The following RFX3 variants were observed in gnomAD, a reference collection of about 807,000 sequenced individuals.
The protein encoded by RFX3 is transcription factor RFX3.
A neutral mutation model predicts 98.6 loss-of-function variants in RFX3; 14 were observed. The observed-to-expected ratio is 0.14, with a 90% CI of 0.09 to 0.22. The LOEUF is 0.22. RFX3 is among the 10% of genes least tolerant of loss of function. The pLI, the probability that RFX3 is intolerant of heterozygous loss-of-function variation, is 1.00. For missense variants in RFX3, 639 were observed against 926.9 expected, an observed-to-expected ratio of 0.69 and a Z score of 4.03; for synonymous variants, 383 against 328.4, an observed-to-expected ratio of 1.17 and a Z score of -1.80.
chr9:3,415,084 TTATA>T (rs572480936), intron 1 of RFX3, among the ~76,000 whole-genome samples: 1 of 91,544 alleles, frequency 1.1e-5, no homozygotes, highest in Non-Finnish European at 1.9e-5. Flanking sequence ...ATATATATTC[TTATA>T]TATATACTCA....
intron 1 of RFX3, among the ~76,000 whole-genome samples, chr9:3,523,980 T>C (rs1455791336): frequency 6.6e-6 from 1 of 152,182 alleles, no homozygotes; most frequent in East Asian, 1.9e-4. Flanking sequence ...CTTAATAGCA[T>C]TATAATTACC....
intron 1 of RFX3, among the ~76,000 whole-genome samples, chr9:3,477,367 T>G (rs1012796477): frequency 1.3e-5 from 2 of 152,226 alleles, no homozygotes; most frequent in Non-Finnish European, 2.9e-5. Flanking sequence ...CTTTAACATT[T>G]CTTAGAGTTC....
chr9:3,334,710 T>C (rs1376839631), intron 3 of RFX3, among the ~76,000 whole-genome samples: 2 of 152,144 alleles, frequency 1.3e-5, no homozygotes, highest in Non-Finnish European at 2.9e-5. Flanking sequence ...CACAGAATTA[T>C]ATTAAGGAAT....
intron 1 of RFX3, among the ~76,000 whole-genome samples, chr9:3,437,486 G>A (rs1845239544): frequency 6.6e-6 from 1 of 152,056 alleles, no homozygotes; most frequent in Non-Finnish European, 1.5e-5. Context: ...AACTAGAGGT[G>A]CTTTAACAAA....
chr9:3,396,276 T>C (rs904004994), intron 1 of RFX3, among the ~76,000 whole-genome samples: 1 of 151,786 alleles, frequency 6.6e-6, no homozygotes, highest in Non-Finnish European at 1.5e-5. Flanking sequence ...CACCTATGAG[T>C]GAGAACATGC....
At chr9:3,327,493 C>T (rs1832051454) in intron 4 of RFX3, among the ~76,000 whole-genome samples, 1 of 151,922 alleles carries the variant, frequency 6.6e-6, no homozygotes, top group African/African-American at 2.4e-5. Flanking sequence ...TAGACAAGTA[C>T]CGCACTATCA....
At chr9:3,265,227 T>G (rs1563825756) in intron 12 of RFX3, among the ~76,000 whole-genome samples, 1 of 152,212 alleles carries the variant, frequency 6.6e-6, no homozygotes, top group Non-Finnish European at 1.5e-5. Context: ...TCACTTAATT[T>G]AAAATTCTAA....
chr9:3,518,833 T>A (rs116975424), intron 1 of RFX3, among the ~76,000 whole-genome samples: 1 of 152,152 alleles, frequency 6.6e-6, no homozygotes, highest in Non-Finnish European at 1.5e-5. Flanking sequence ...AAGATTGGGA[T>A]TGACAAATCA....
At chr9:3,374,941 C>T (rs1838287335) in intron 2 of RFX3, among the ~76,000 whole-genome samples, 1 of 150,872 alleles carries the variant, frequency 6.6e-6, no homozygotes, top group Non-Finnish European at 1.5e-5. Flanking sequence ...GCATTAACAA[C>T]AGTTACGTAA....
chr9:3,285,560 G>T (rs1395950059), intron 7 of RFX3, among the ~76,000 whole-genome samples: 2 of 151,586 alleles, frequency 1.3e-5, no homozygotes, highest in Admixed American at 1.3e-4. Flanking sequence ...TTCCTTCAGA[G>T]AGACCACAGA....
intron 8 of RFX3, 47 bp from the exon 9 acceptor site, chr9:3,275,659 C>A: frequency 1.7e-6 from 2 of 1,153,486 alleles, no homozygotes; most frequent in Non-Finnish European, 2.6e-6. Context: ...TGGATGGTGC[C>A]AATTACAGAT....
In RFX3 at chr9:3,299,863, G is replaced by C. The variant is rs558883971; in HGVS notation, c.549+1683C>G. 4.1e-4 allele frequency among the ~76,000 whole-genome samples: 62 copies of C among 151,594 alleles called. No homozygotes were observed. The South Asian group carries it at 0.012, about 30-fold the overall frequency. On this transcript the variant is annotated intron_variant, in intron 5 of 16. Transcript: ENST00000617270. ...CCATTATTGTTCATAAAAATACTAAGATGAATAACTGAAGTTAAATTTAAA... is the reference window on the plus strand; with the variant it reads ...CCATTATTGTTCATAAAAATACTAACATGAATAACTGAAGTTAAATTTAAA...
At chr9:3,318,731 T>A (rs1453012673) in intron 4 of RFX3, among the ~76,000 whole-genome samples, 4 of 152,194 alleles carry the variant, frequency 2.6e-5, no homozygotes, top group Non-Finnish European at 5.9e-5. Context: ...TAAGTTATTA[T>A]GCTTTCAACC....
In RFX3 at chr9:3,272,817, T is replaced by G. The variant is rs183701730; in HGVS notation, c.1087-1699A>C. Reference sequence around the variant, plus strand: ...TAAAAAGTTACACTTGCTCCTTACATAACAAACTAGTGATACAAAAATATC... The same window carrying G: ...TAAAAAGTTACACTTGCTCCTTACAGAACAAACTAGTGATACAAAAATATC... On this transcript the variant is annotated intron_variant, in intron 9 of 16. Coordinates refer to ENST00000617270, the MANE Select transcript of RFX3 (RefSeq NM_001282116.2). Among the ~76,000 whole-genome samples, 12 of 152,282 alleles carry G rather than the reference T, an allele frequency of 7.9e-5. No individual in the cohort carries two copies. In the East Asian group the frequency reaches 2.3e-3, roughly 29 times the overall value.
chr9:3,506,889 T>C (rs1817153341), intron 1 of RFX3, among the ~76,000 whole-genome samples: 1 of 151,832 alleles, frequency 6.6e-6, no homozygotes, highest in South Asian at 2.1e-4. Flanking sequence ...AGTAAATAAA[T>C]CCAATGGAAA....
chr9:3,303,983 C>T (rs922274063), intron 4 of RFX3, among the ~76,000 whole-genome samples: 2 of 151,904 alleles, frequency 1.3e-5, no homozygotes, highest in Non-Finnish European at 2.9e-5. Flanking sequence ...ATTTGTGTAG[C>T]CCGGGGAATG....
chr9:3,506,595 C>T (rs1362442393), intron 1 of RFX3, among the ~76,000 whole-genome samples: 1 of 151,782 alleles, frequency 6.6e-6, no homozygotes, highest in Non-Finnish European at 1.5e-5. Flanking sequence ...AAGGCATTCC[C>T]CAACTTCTGA....
chr9:3,516,033 T>C (rs913505803), intron 1 of RFX3, among the ~76,000 whole-genome samples: 2 of 151,850 alleles, frequency 1.3e-5, no homozygotes, highest in African/African-American at 2.4e-5. Flanking sequence ...CTAACCAAAG[T>C]AGTATTAAAG....
chr9:3,246,963 G>A (rs1183318525), intron 15 of RFX3: 13 of 626,270 alleles, frequency 2.1e-5, no homozygotes, highest in Non-Finnish European at 2.4e-5. Flanking sequence ...GAATATTAGG[G>A]AGGTCCTTGA....
Sources: gnomAD v4.1 joint callset for allele counts (sites outside exome capture counted in the v4.1 genomes callset) on GRCh38, gnomAD v4.1.1 for gene constraint, MANE v1.5 for transcripts, NCBI Gene and HGNC (gene_info 2026-07-23, HGNC 2026-07-21) for gene names.